The following PRKG1 variants were observed in gnomAD, a reference collection of about 807,000 sequenced individuals.
PRKG1 encodes the protein cGMP-dependent protein kinase 1.
PRKG1 carries 35 observed loss-of-function variants against 88.1 expected under a neutral mutation model. That is an observed-to-expected ratio of 0.40 (90% CI 0.30 to 0.53). PRKG1 has a LOEUF of 0.53. Among genes scored for constraint, PRKG1 ranks in the 20% least tolerant of loss-of-function variants. PRKG1 has a pLI of 0.59. For missense variants in PRKG1, 540 were observed against 839.8 expected (o/e 0.64, Z 4.41); for synonymous variants, 303 against 292.5 (o/e 1.04, Z -0.37).
At chr10:51,978,077 G>A (rs562180152) in intron 5 of PRKG1, among the ~76,000 whole-genome samples, 2 of 151,922 alleles carry the variant, frequency 1.3e-5, no homozygotes, top group South Asian at 2.1e-4. Context: ...TGCCTATGTC[G>A]TCTTCCAGGT....
At chr10:52,194,422 CT>C (rs1353790063) in intron 9 of PRKG1, among the ~76,000 whole-genome samples, 6 of 152,030 alleles carry the variant, frequency 3.9e-5, no homozygotes, top group Non-Finnish European at 8.8e-5. Flanking sequence ...AGAATGATGA[CT>C]GTTATTCAAA....
At chr10:51,713,187 A>C (rs974473242) in intron 3 of PRKG1, among the ~76,000 whole-genome samples, 1 of 152,224 alleles carries the variant, frequency 6.6e-6, no homozygotes, top group East Asian at 1.9e-4. Flanking sequence ...AAATTTCACC[A>C]GCAGCCACAT....
In PRKG1 at chr10:51,577,248, A is replaced by G. The variant is rs547960645; in HGVS notation, c.592+109412A>G. Reference sequence around the variant, plus strand: ...AAATGTGTTAGCATTGTACACTTGCATCATATTAGTCAATCTGCCAACCTA... The same window carrying G: ...AAATGTGTTAGCATTGTACACTTGCGTCATATTAGTCAATCTGCCAACCTA... On this transcript the variant is annotated intron_variant, in intron 3 of 17. Transcript: ENST00000373980. Among the ~76,000 whole-genome samples the G allele has an allele frequency of 4.0e-4, 61 of 152,148 alleles. 1 individual carries two copies. In the South Asian group the frequency reaches 0.012, roughly 29 times the overall value.
chr10:51,254,181 T>C (rs186848406), intron 2 of PRKG1, among the ~76,000 whole-genome samples: 44 of 152,096 alleles, frequency 2.9e-4, no homozygotes, highest in Admixed American at 3.9e-4. Flanking sequence ...CATTGATTGA[T>C]TTTTCCAAGA....
intron 1 of PRKG1, among the ~76,000 whole-genome samples, chr10:51,137,310 T>C (rs1845712737): frequency 6.6e-6 from 1 of 152,194 alleles, no homozygotes; most frequent in African/African-American, 2.4e-5. Context: ...AATCCTGTAA[T>C]TAAGGTATAT....
At chr10:52,097,562 G>A (rs184478714) in intron 7 of PRKG1, among the ~76,000 whole-genome samples, 198 of 151,912 alleles carry the variant, frequency 1.3e-3, no homozygotes, top group Non-Finnish European at 2.0e-3. Context: ...GTTTTGTTTT[G>A]TTTTTCTTTG....
intron 5 of PRKG1, among the ~76,000 whole-genome samples, chr10:51,946,844 GC>G (rs1340288935): frequency 6.6e-6 from 1 of 151,986 alleles, no homozygotes; most frequent in East Asian, 1.9e-4. Context: ...GGAGTACCCA[GC>G]CGTGTGAGGT....
intron 9 of PRKG1, among the ~76,000 whole-genome samples, chr10:52,167,869 T>TA (rs1274690137): frequency 2.0e-5 from 3 of 152,224 alleles, no homozygotes; most frequent in Admixed American, 6.5e-5. Flanking sequence ...ACTTAGTTTT[T>TA]ATCTAGATTG....
At chr10:52,170,055 G>A (rs1838621873) in intron 9 of PRKG1, among the ~76,000 whole-genome samples, 1 of 152,094 alleles carries the variant, frequency 6.6e-6, no homozygotes, top group Admixed American at 6.6e-5. Context: ...TTAGTTTAAA[G>A]CATTACCCTC....
intron 2 of PRKG1, among the ~76,000 whole-genome samples, chr10:51,432,123 G>C (rs1242098635): frequency 6.6e-6 from 1 of 152,004 alleles, no homozygotes; most frequent in Non-Finnish European, 1.5e-5. Context: ...CGCAATCAAG[G>C]TTTGATTTTT....
At chr10:52,143,330 G>A (rs1041053073) in intron 8 of PRKG1, among the ~76,000 whole-genome samples, 5 of 152,036 alleles carry the variant, frequency 3.3e-5, no homozygotes, top group Admixed American at 2.0e-4. Flanking sequence ...TTTGTGTTGC[G>A]GGGGCGGGGC....
At position 50,992,705 on chromosome 10, in the gene PRKG1, A is replaced by G. The variant is rs1842794723; in HGVS notation, c.266+1061A>G. Among the ~76,000 whole-genome samples, 3 of 151,802 alleles carry G rather than the reference A, an allele frequency of 2.0e-5. No individual in the cohort carries two copies. The South Asian group carries it at 6.3e-4, about 32-fold the overall frequency. On this transcript the variant is annotated intron_variant, in intron 1 of 17. Coordinates refer to the PRKG1 transcript ENST00000401604. The stretch of plus-strand genomic sequence containing the variant: ...TTGGCCACAAGTAGGAAGCTTTTGC[A>G]CTCCACTCGTCGCCTTCACCGGAGA...
At chr10:52,194,781 G>T (rs1839462596) in intron 9 of PRKG1, among the ~76,000 whole-genome samples, 1 of 152,076 alleles carries the variant, frequency 6.6e-6, no homozygotes. Context: ...ACAATAAAAA[G>T]CTATATCCAG....
intron 2 of PRKG1, among the ~76,000 whole-genome samples, chr10:51,294,469 A>T (rs937007378): frequency 6.8e-6 from 1 of 146,064 alleles, no homozygotes; most frequent in Non-Finnish European, 1.5e-5. Flanking sequence ...TATTTAGGAG[A>T]CCATCCTTTC....
chr10:51,765,391 G>C (rs1275999942), intron 3 of PRKG1, among the ~76,000 whole-genome samples: 1 of 152,136 alleles, frequency 6.6e-6, no homozygotes, highest in South Asian at 2.1e-4. Flanking sequence ...TGTTAGATAG[G>C]TATCTGTCCT....
intron 3 of PRKG1, among the ~76,000 whole-genome samples, chr10:51,745,734 C>T (rs774829796): frequency 2.6e-5 from 4 of 152,234 alleles, no homozygotes; most frequent in Non-Finnish European, 4.4e-5. Flanking sequence ...CCAGGCTGGG[C>T]GTGGTGTCTC....
At chr10:51,951,166 C>T (rs1589450012) in intron 5 of PRKG1, among the ~76,000 whole-genome samples, 1 of 152,228 alleles carries the variant, frequency 6.6e-6, no homozygotes. Context: ...TTTCAGCCTT[C>T]AGGCTGTTTT....
chr10:51,208,316 T>A, intron 2 of PRKG1, among the ~76,000 whole-genome samples: 1 of 152,180 alleles, frequency 6.6e-6, no homozygotes, highest in East Asian at 1.9e-4. Context: ...GTAATTCCAA[T>A]ATGGTAAAAT....
chr10:51,053,670 G>A (rs186818311), intron 1 of PRKG1, among the ~76,000 whole-genome samples: 196 of 152,056 alleles, frequency 1.3e-3, no homozygotes, highest in African/African-American at 4.5e-3. Flanking sequence ...TAAAACTTTG[G>A]GTTTAAAATC....
Sources: gnomAD v4.1 joint callset for allele counts (sites outside exome capture counted in the v4.1 genomes callset) on GRCh38, gnomAD v4.1.1 for gene constraint, MANE v1.5 for transcripts, NCBI Gene and HGNC (gene_info 2026-07-23, HGNC 2026-07-21) for gene names.